FOXP2: variants seen among roughly 807,000 people sequenced by gnomAD.
The protein encoded by FOXP2 is forkhead box protein P2.
In FOXP2, 12 loss-of-function variants were observed where a neutral mutation model predicts 115.8. The ratio of observed to expected loss-of-function variants is 0.10; its 90% CI spans 0.07 to 0.17. FOXP2 has a LOEUF of 0.17. FOXP2 is among the 10% of genes least tolerant of loss of function. FOXP2 has a pLI of 1.00. For synonymous variants in FOXP2, 328 were observed against 297.7 expected (o/e 1.10, Z -1.05); for missense variants, 629 against 843.5 (o/e 0.75, Z 3.15).
Position 114,691,232 on chromosome 7 carries a change from T to C in FOXP2, c.*1306T>C, listed in dbSNP as rs1477826604. ...AGATGTCTTGTATGGTCTTAATCTT[T>C]GTTGTGTACTATTTTTTTATAGTCT... On this transcript the variant is annotated 3_prime_UTR_variant, in exon 17 of 17. Transcript: ENST00000350908. 2.2e-6 allele frequency: 1 copy of C among 453,686 alleles called. No individual in the cohort carries two copies. The highest frequency in any genetic ancestry group is 2.0e-5 in the African/African-American group (1 of 49,954). 28.1% of individuals were successfully genotyped at this position (453,686 alleles called of 1,614,324 possible).
chr7:114,122,517 A>G (rs557177792), intron 1 of FOXP2, among the ~76,000 whole-genome samples: 12 of 149,160 alleles, frequency 8.0e-5, no homozygotes, highest in African/African-American at 2.2e-4. Context: ...TTGCTTTTCC[A>G]TTGATCTGGA....
chr7:114,670,319 G>A (rs556358752), intron 16 of FOXP2, among the ~76,000 whole-genome samples: 7 of 151,928 alleles, frequency 4.6e-5, no homozygotes, highest in Non-Finnish European at 8.8e-5. Context: ...AAAATAAAAG[G>A]CTGAGGTGTC....
chr7:114,563,291 G>T (rs940913517), intron 3 of FOXP2, among the ~76,000 whole-genome samples: 1 of 152,152 alleles, frequency 6.6e-6, no homozygotes, highest in Admixed American at 6.5e-5. Flanking sequence ...TCAGAGAGTT[G>T]AATTCAATTC....
chr7:114,494,726 A>T (rs910230485), intron 2 of FOXP2, among the ~76,000 whole-genome samples: 4 of 152,164 alleles, frequency 2.6e-5, no homozygotes, highest in African/African-American at 7.2e-5. Flanking sequence ...TAATTTTAAA[A>T]ATTGAAACCA....
intron 1 of FOXP2, among the ~76,000 whole-genome samples, chr7:114,115,678 AG>A (rs1226078940): frequency 6.6e-6 from 1 of 152,060 alleles, no homozygotes; most frequent in Non-Finnish European, 1.5e-5. Flanking sequence ...TAACCTAACT[AG>A]ATCTATGCTA....
chr7:114,256,908 C>G (rs1795628056), intron 1 of FOXP2, among the ~76,000 whole-genome samples: 1 of 152,196 alleles, frequency 6.6e-6, no homozygotes, highest in African/African-American at 2.4e-5. Flanking sequence ...TCCCATTAAA[C>G]TACCATTGAC....
intron 2 of FOXP2, among the ~76,000 whole-genome samples, chr7:114,365,104 C>G (rs114978427): frequency 2.0e-5 from 3 of 151,812 alleles, no homozygotes; most frequent in African/African-American, 7.3e-5. Flanking sequence ...AATTTTTTTT[C>G]TTTTTGCAGA....
At chr7:114,549,034 C>A (rs1374643370) in intron 3 of FOXP2, among the ~76,000 whole-genome samples, 1 of 152,156 alleles carries the variant, frequency 6.6e-6, no homozygotes, top group Admixed American at 6.5e-5. Context: ...TCCATAAATT[C>A]TCTGTATTTC....
At chr7:114,364,893 A>C (rs73432278) in intron 2 of FOXP2, among the ~76,000 whole-genome samples, 2,730 of 152,216 alleles carry the variant, frequency 0.018, 95 homozygotes, top group African/African-American at 0.062. Context: ...TAAAAGAGTA[A>C]ATTTAGTATT....
intron 2 of FOXP2, among the ~76,000 whole-genome samples, chr7:114,477,534 A>G (rs762540610): frequency 6.6e-6 from 1 of 151,812 alleles, no homozygotes; most frequent in Non-Finnish European, 1.5e-5. Flanking sequence ...AAAATTACCT[A>G]TTGGATACTA....
chr7:114,671,471 G>A (rs1807480692), intron 16 of FOXP2, among the ~76,000 whole-genome samples: 1 of 152,156 alleles, frequency 6.6e-6, no homozygotes. Context: ...GGCAAAGTGT[G>A]TCAGAAAACT....
chr7:114,357,435 A>G (rs1791643056), intron 2 of FOXP2, among the ~76,000 whole-genome samples: 1 of 152,164 alleles, frequency 6.6e-6, no homozygotes, highest in Non-Finnish European at 1.5e-5. Context: ...TGGTTCAATG[A>G]TGTCATTGAG....
chr7:114,155,393 C>T (rs937223489), intron 1 of FOXP2, among the ~76,000 whole-genome samples: 1 of 152,072 alleles, frequency 6.6e-6, no homozygotes, highest in African/African-American at 2.4e-5. Context: ...CAAATTCCAA[C>T]GTGACTCTAG....
At chr7:114,315,889 G>C (rs1797265384) in intron 2 of FOXP2, among the ~76,000 whole-genome samples, 1 of 152,130 alleles carries the variant, frequency 6.6e-6, no homozygotes, top group African/African-American at 2.4e-5. Flanking sequence ...TGTCACTATA[G>C]CTCATGCCTG....
At chr7:114,255,459 G>C (rs576931113) in intron 1 of FOXP2, among the ~76,000 whole-genome samples, 2 of 152,196 alleles carry the variant, frequency 1.3e-5, no homozygotes, top group Non-Finnish European at 2.9e-5. Context: ...CTTCTGGGCT[G>C]CTTCGTTTAC....
intron 2 of FOXP2, among the ~76,000 whole-genome samples, chr7:114,399,574 T>C (rs1434519792): frequency 6.6e-6 from 1 of 152,220 alleles, no homozygotes; most frequent in Non-Finnish European, 1.5e-5. Flanking sequence ...AAAATGATTA[T>C]TGAATGTTAA....
At chr7:114,234,289 A>C (rs1794955890) in intron 1 of FOXP2, among the ~76,000 whole-genome samples, 1 of 152,194 alleles carries the variant, frequency 6.6e-6, no homozygotes, top group Non-Finnish European at 1.5e-5. Flanking sequence ...AGCATCTACC[A>C]GCAGGGTTAA....
chr7:114,570,962 AT>A, intron 3 of FOXP2: 1 of 1,198,776 alleles, frequency 8.3e-7, no homozygotes, highest in South Asian at 1.2e-5. Flanking sequence ...ATTATATGTG[AT>A]TTTCTATAGC....
In FOXP2 at chr7:114,344,571, A is replaced by G. The variant is rs184678495; in HGVS notation, c.-11+56462A>G. Among the ~76,000 whole-genome samples the G allele has an allele frequency of 2.4e-4, 37 of 152,000 alleles. No homozygotes were observed. The East Asian group carries it at 4.1e-3, about 17-fold the overall frequency. ...GTGCCAGGTGGCATGCCTGAGACAT[A>G]AAGATTTTATGGATAACAGATGTAG... On this transcript the variant is annotated intron_variant, in intron 2 of 17. Coordinates refer to the FOXP2 transcript ENST00000634411.
Sources: allele counts gnomAD v4.1 joint callset (sites outside exome capture counted in the v4.1 genomes callset), GRCh38; gene constraint gnomAD v4.1.1; transcripts MANE v1.5; gene names NCBI Gene and HGNC (gene_info 2026-07-23, HGNC 2026-07-21).